Variants in QSOX1 observed in about 807,000 individuals in gnomAD.
QSOX1 encodes the protein quiescin sulfhydryl oxidase 1, also known as sulfhydryl oxidase 1.
QSOX1 carries 40 observed loss-of-function variants against 76.1 expected under a neutral mutation model. The ratio of observed to expected loss-of-function variants is 0.53; its 90% CI spans 0.41 to 0.68. The LOEUF (loss-of-function observed/expected upper bound fraction) is 0.68, where lower values mean the gene tolerates loss of function less well. QSOX1 is among the 30% of genes least tolerant of loss of function. The pLI, the probability that QSOX1 is intolerant of heterozygous loss-of-function variation, is 0.00. For missense variants in QSOX1, 931 were observed against 974.3 expected, an observed-to-expected ratio of 0.96 and a Z score of 0.59; for synonymous variants, 392 against 413.1, an observed-to-expected ratio of 0.95 and a Z score of 0.62.
At position 180,155,168 on chromosome 1, in the gene QSOX1, CA is replaced by C; in HGVS notation, c.264del (p.Ala89ProfsTer33). 6.6e-7 allele frequency: 1 copy of C among 1,506,922 alleles called. No homozygotes were observed. The highest frequency in any genetic ancestry group is 1.2e-5 in the South Asian group (1 of 81,366). The allele number at this position is 1,506,922 out of a possible 1,614,324, so 93.3% of individuals were successfully genotyped here. A position where few individuals can be genotyped will look rare whatever the true frequency, so the allele number is the denominator to read the frequency against. ...PTWKALAEDV[K>X]AWRPALYLAA... ...CGTGGAAGGCGCTGGCCGAAGACGTCAAAGGTGAGAAGCGGGGGCGGCCCGC... is the reference window on the plus strand; with the variant it reads ...CGTGGAAGGCGCTGGCCGAAGACGTCAAGGTGAGAAGCGGGGGCGGCCCGC... On this transcript the variant is annotated frameshift_variant, in exon 1 of 12. Transcript: ENST00000367602. LOFTEE classifies it high-confidence loss of function.
At chr1:180,159,672 G>C (rs1662450859) in intron 1 of QSOX1, among the ~76,000 whole-genome samples, 1 of 152,176 alleles carries the variant, frequency 6.6e-6, no homozygotes, top group Non-Finnish European at 1.5e-5. Flanking sequence ...CTGTATGTTG[G>C]CTGAAACTGG....
intron 4 of QSOX1, among the ~76,000 whole-genome samples, chr1:180,176,332 T>C (rs939500443): frequency 1.3e-5 from 2 of 152,214 alleles, no homozygotes; most frequent in African/African-American, 4.8e-5. Context: ...CTTCTCCAGG[T>C]TGTACCTGCT....
chr1:180,179,401 C>T (rs2149237306), intron 5 of QSOX1, among the ~76,000 whole-genome samples: 1 of 152,342 alleles, frequency 6.6e-6, no homozygotes, highest in South Asian at 2.1e-4. Context: ...TGTGGGGCAT[C>T]CGTGAGCCAG....
chr1:180,193,039 C>T (rs369468056), intron 10 of QSOX1, among the ~76,000 whole-genome samples: 40 of 151,826 alleles, frequency 2.6e-4, no homozygotes, highest in African/African-American at 7.5e-4. Flanking sequence ...AGGGCTGTGT[C>T]GGTGGAGTAG....
intron 2 of QSOX1, among the ~76,000 whole-genome samples, chr1:180,174,964 A>G (rs1218900172): frequency 6.6e-6 from 1 of 152,040 alleles, no homozygotes; most frequent in Non-Finnish European, 1.5e-5. Context: ...AGCCTTGCCA[A>G]CACAGTGAAA....
At chr1:180,191,972 T>C (rs1364467795) in intron 10 of QSOX1, among the ~76,000 whole-genome samples, 5 of 152,092 alleles carry the variant, frequency 3.3e-5, no homozygotes, top group Non-Finnish European at 5.9e-5. Context: ...CTCCGTGCAG[T>C]TGTCCCTCTC....
At position 180,190,519 on chromosome 1, in the gene QSOX1, C is replaced by T. The variant is rs7521513; in HGVS notation, c.1227C>T (p.Val409=). The change falls in exon 10 of 12, where the codon GTC becomes GTT. Residue 409 remains valine (V), a synonymous_variant. Coordinates refer to ENST00000367602, the MANE Select transcript of QSOX1 (RefSeq NM_002826.5). ...GGGGCTTTCCCTGCTCCCTGTGGGT[C>T]CTCTTCCACTTCTTGACTGTGCAGG... is the stretch of plus-strand genomic sequence containing the variant. ...HFRGFPCSLW[V]LFHFLTVQAA... is the part of the protein sequence containing the mutation. 253,110 of 1,613,528 alleles carry T rather than the reference C, an allele frequency of 0.16. 21,099 individuals carry two copies. Among genetic ancestry groups the T allele is most frequent in the South Asian group, 0.19 (17,123 of 91,030 alleles).
chr1:180,185,685 T>A (rs946925588), intron 7 of QSOX1, among the ~76,000 whole-genome samples: 4 of 152,150 alleles, frequency 2.6e-5, no homozygotes, highest in African/African-American at 9.7e-5. Flanking sequence ...TGGTCTTGGC[T>A]CGGAGCTGGC....
At chr1:180,155,296 C>A in intron 1 of QSOX1, 124 bp downstream of exon 1, 1 of 900,884 alleles carries the variant, frequency 1.1e-6, no homozygotes, top group Non-Finnish European at 1.6e-6. Flanking sequence ...ACCTCTTCCT[C>A]TCCGCGCATC....
chr1:180,182,294 A>C lies in QSOX1; in HGVS notation c.727A>C (p.Asn243His). Reference protein sequence around the residue: ...DFPSCYLLFRNGSVSRVPVLM... With the variant: ...DFPSCYLLFRHGSVSRVPVLM... Reference sequence around the variant, plus strand: ...CCCCTCTTGCTACCTGCTGTTCCGGAATGGCTCTGTCTCCCGAGTCCCCGT... The same window carrying C: ...CCCCTCTTGCTACCTGCTGTTCCGGCATGGCTCTGTCTCCCGAGTCCCCGT... The change falls in exon 6 of 12, where the codon AAT becomes CAT. Residue 243 changes from asparagine to histidine, a missense_variant. Asn to His is a moderately conservative substitution (Grantham distance 68). Transcript: ENST00000367602. 6.2e-7 allele frequency: 1 copy of C among 1,614,160 alleles called. No individual in the cohort carries two copies. The highest frequency in any genetic ancestry group is 8.5e-7 in the Non-Finnish European group (1 of 1,180,024).
In QSOX1 at chr1:180,202,708, ATACTT is replaced by A. The variant is rs1325834071; in HGVS notation, c.*5672_*5676del. 4 of 150,256 alleles carry A rather than the reference ATACTT, an allele frequency of 2.7e-5. No homozygotes were observed. Among genetic ancestry groups the A allele is most frequent in the Non-Finnish European group, 5.9e-5 (4 of 67,608 alleles). The allele number at this position is 150,256 out of a possible 1,614,324, so 9.3% of individuals were successfully genotyped here. A position where few individuals can be genotyped will look rare whatever the true frequency, so the allele number is the denominator to read the frequency against. On this transcript the variant is annotated 3_prime_UTR_variant, in exon 12 of 12. Transcript: ENST00000367602. ...AAAAAAAAAGGGGAAATATAATTGA[ATACTT>A]CACTGTTTTTGAAAGCATGAAAACA...
rs1470608971 is a variant in QSOX1, at chr1:180,200,189, T to C, written c.*3152T>C. On this transcript the variant is annotated 3_prime_UTR_variant, in exon 12 of 12. Coordinates refer to ENST00000367602, the MANE Select transcript of QSOX1 (RefSeq NM_002826.5). Reference sequence around the variant, plus strand: ...GCTGTGTGACTTTGGGCAAGATAACTTATCCCCTTGTCCCCATGTGTCATT... The same window carrying C: ...GCTGTGTGACTTTGGGCAAGATAACCTATCCCCTTGTCCCCATGTGTCATT... 6.6e-6 allele frequency: 1 copy of C among 152,192 alleles called. No homozygotes were observed. Among genetic ancestry groups the C allele is most frequent in the African/African-American group, 2.4e-5 (1 of 41,442 alleles). 9.4% of individuals were successfully genotyped at this position (152,192 alleles called of 1,614,324 possible). A position where few individuals can be genotyped will look rare whatever the true frequency, so the allele number is the denominator to read the frequency against.
chr1:180,167,020 C>A (rs1662646862), intron 2 of QSOX1, among the ~76,000 whole-genome samples: 1 of 152,262 alleles, frequency 6.6e-6, no homozygotes, highest in Admixed American at 6.5e-5. Context: ...CAGCAGGGAT[C>A]CCCGGCACGG....
At chr1:180,195,494 C>T (rs1663450088) in intron 11 of QSOX1, among the ~76,000 whole-genome samples, 1 of 152,214 alleles carries the variant, frequency 6.6e-6, no homozygotes, top group Non-Finnish European at 1.5e-5. Flanking sequence ...AGGAGAAGTG[C>T]TTCTACAGAA....
chr1:180,194,146 G>A lies in QSOX1; in HGVS notation c.1289-67G>A, dbSNP rs1020525137. ...AGGATGGGGGGCGGCAGGGTGGCCT[G>A]GGGAGGCAACGGCTGTGGGGCTGGC... On this transcript the variant is annotated intron_variant, in intron 10 of 11. Coordinates refer to ENST00000367602, the MANE Select transcript of QSOX1 (RefSeq NM_002826.5). 14 of 1,477,438 alleles carry A rather than the reference G, an allele frequency of 9.5e-6. No individual in the cohort carries two copies. In the Admixed American group the frequency reaches 1.6e-4, roughly 17 times the overall value. The allele number at this position is 1,477,438 out of a possible 1,614,324, so 91.5% of individuals were successfully genotyped here.
chr1:180,178,761 G>A, intron 4 of QSOX1, 33 bp from the exon 5 acceptor site: 2 of 1,591,882 alleles, frequency 1.3e-6, no homozygotes, highest in South Asian at 1.1e-5. Context: ...TCTGCTGGCT[G>A]TGCAGAGTGA....
At chr1:180,195,574 C>T (rs1235984105) in intron 11 of QSOX1, among the ~76,000 whole-genome samples, 3 of 152,244 alleles carry the variant, frequency 2.0e-5, no homozygotes, top group Admixed American at 6.5e-5. Flanking sequence ...CCCTCTGGGA[C>T]TCATCCAGAG....
chr1:180,194,897 C>T (rs993623256), intron 11 of QSOX1, among the ~76,000 whole-genome samples: 6 of 151,352 alleles, frequency 4.0e-5, no homozygotes, highest in Admixed American at 2.0e-4. Flanking sequence ...CAGGCAAACA[C>T]ATTAAACTCC....
rs1194207237 is a variant in QSOX1, at chr1:180,200,903, C to T, written c.*3866C>T. On this transcript the variant is annotated 3_prime_UTR_variant, in exon 12 of 12. Transcript: ENST00000367602. The stretch of plus-strand genomic sequence containing the variant: ...GCTGGGTGCCAGCCCTTCTTCCCTC[C>T]AACAGTGGCAGTAACCACTGTTGTG... 1 of 152,220 alleles carries T rather than the reference C, an allele frequency of 6.6e-6. No individual in the cohort carries two copies. The highest frequency in any genetic ancestry group is 1.5e-5 in the Non-Finnish European group (1 of 68,046). 9.4% of individuals were successfully genotyped at this position (152,220 alleles called of 1,614,324 possible). A position where few individuals can be genotyped will look rare whatever the true frequency, so the allele number is the denominator to read the frequency against.
Sources: allele counts gnomAD v4.1 joint callset (sites outside exome capture counted in the v4.1 genomes callset), GRCh38; gene constraint gnomAD v4.1.1; transcripts MANE v1.5; gene names NCBI Gene and HGNC (gene_info 2026-07-23, HGNC 2026-07-21).